Variants in COL5A3 observed in about 807,000 individuals in gnomAD.
The protein encoded by COL5A3 is collagen type V alpha 3 chain, also known as collagen alpha-3(V) chain.
COL5A3 carries 172 observed loss-of-function variants against 250.0 expected under a neutral mutation model. The observed-to-expected ratio is 0.69, with a 90% CI of 0.61 to 0.78. The LOEUF is 0.78. Among genes scored for constraint, COL5A3 ranks in the 30% least tolerant of loss-of-function variants. COL5A3 has a pLI of 0.00. For synonymous variants in COL5A3, 937 were observed against 900.4 expected (o/e 1.04, Z -0.73); for missense variants, 2,340 against 2,334.4 (o/e 1.00, Z -0.05).
At chr19:9,999,536 C>T (rs1271859772) in intron 8 of COL5A3, among the ~76,000 whole-genome samples, 2 of 144,168 alleles carry the variant, frequency 1.4e-5, no homozygotes, top group Non-Finnish European at 3.0e-5. Context: ...GGCGTGGTCT[C>T]GGCTTGCTGC....
chr19:9,971,093 G>A, intron 52 of COL5A3, 65 bp from the exon 53 acceptor site: 3 of 1,446,446 alleles, frequency 2.1e-6, no homozygotes, highest in South Asian at 1.4e-5. Context: ...GGATGGGGCT[G>A]GGAGGCAAAA....
chr19:9,979,117 T>C lies in COL5A3; in HGVS notation c.2874+15A>G, dbSNP rs1167310856. ...TTGGATGTTCAACCAAGATCTCCAG[T>C]GGACAGTGTCTCACCTTGGCCCCCT... On this transcript the variant is annotated intron_variant, in intron 39 of 66. Transcript: ENST00000264828. 6.5e-7 allele frequency: 1 copy of C among 1,546,950 alleles called. No homozygotes were observed. Among genetic ancestry groups the C allele is most frequent in the Non-Finnish European group, 8.7e-7 (1 of 1,147,064 alleles).
In COL5A3 at chr19:9,978,939, T is replaced by A. The variant is rs750449761; in HGVS notation, c.2916A>T (p.Pro972=). 5.2e-6 allele frequency: 8 copies of A among 1,530,934 alleles called. No homozygotes were observed. The South Asian group carries it at 1.0e-4, about 20-fold the overall frequency. The allele number at this position is 1,530,934 out of a possible 1,614,324, so 94.8% of individuals were successfully genotyped here. A position where few individuals can be genotyped will look rare whatever the true frequency, so the allele number is the denominator to read the frequency against. Residue 972 remains proline (P), a synonymous_variant, in exon 40 of 67, where the codon CCA becomes CCT. Transcript: ENST00000264828. The part of the protein sequence containing the change: ...GPPGPLGKEG[P]AGLRGFPGPK... ...GGCCGGGAAAGCCCCTGAGTCCAGC[T>A]GGCCCTTCTTTCCCAAGGGGTCCTG...
At chr19:10,001,948 TC>T in intron 6 of COL5A3, 67 bp from the exon 7 acceptor site, 1 of 1,114,898 alleles carries the variant, frequency 9.0e-7, no homozygotes, top group East Asian at 2.4e-5. Context: ...GGAGGCACCC[TC>T]CCACTGTCCC....
At chr19:10,003,798 A>G (rs903324998) in intron 5 of COL5A3, 84 bp from the exon 6 acceptor site, 1 of 1,561,528 alleles carries the variant, frequency 6.4e-7, no homozygotes, top group Non-Finnish European at 8.7e-7. Flanking sequence ...AGGCTGGCTC[A>G]TGGCCCGTGG....
Position 9,993,065 on chromosome 19 carries a change from T to G in COL5A3, c.1752A>C (p.Gly584=). ...PGPPGEDGER[G]AEGPPGPTGQ... ...CAGTGGGCCCTGGAGGTCCCTCTGC[T>G]CCCTGTGGAAAAGCGTCATTACTTG... Residue 584 remains glycine (G), a splice_region_variant and synonymous_variant, in exon 20 of 67, where the codon GGA becomes GGC. Transcript: ENST00000264828. The G allele has an allele frequency of 6.2e-7, 1 of 1,613,704 alleles. No homozygotes were observed.
intron 8 of COL5A3, among the ~76,000 whole-genome samples, chr19:9,999,589 C>G (rs112477870): frequency 0.019 from 2,895 of 151,204 alleles, 47 homozygotes; most frequent in Non-Finnish European, 0.029. Flanking sequence ...CTCAGCCTCC[C>G]GAGAAGCTGG....
intron 15 of COL5A3, 55 bp downstream of exon 15, chr19:9,996,011 G>A (rs1334584986): frequency 3.5e-6 from 5 of 1,442,352 alleles, no homozygotes; most frequent in Non-Finnish European, 4.7e-6. Context: ...TGTATCTTGT[G>A]GTCCTGGGGG....
At chr19:9,974,839 G>A (rs907024703) in intron 45 of COL5A3, among the ~76,000 whole-genome samples, 3 of 152,124 alleles carry the variant, frequency 2.0e-5, no homozygotes, top group East Asian at 3.8e-4. Flanking sequence ...GTCAGGGCTT[G>A]GTTAAGAGAT....
chr19:9,999,359 A>ATTTTT (rs1260247682), intron 8 of COL5A3, among the ~76,000 whole-genome samples: 2 of 141,308 alleles, frequency 1.4e-5, no homozygotes, highest in African/African-American at 5.4e-5. Context: ...ATGCCCAGCT[A>ATTTTT]TTTTTTATTT....
chr19:9,969,645 C>T lies in COL5A3; in HGVS notation c.4028G>A (p.Gly1343Asp), dbSNP rs757684206. The change falls in exon 56 of 67, where the codon GGT becomes GAT. Residue 1343 changes from glycine to aspartate, a missense_variant. This residue lies in a region of COL5A3 where 1,179 missense variants were observed against 1,162.6 expected (regional missense o/e 1.01). Transcript: ENST00000264828. ...AGGGGGCCCTCTAGCCCCCATTGGACCCGTCCTCCCTGGGGGCCCATCAGG... is the reference window on the plus strand; with the variant it reads ...AGGGGGCCCTCTAGCCCCCATTGGATCCGTCCTCCCTGGGGGCCCATCAGG... ...PGPDGPPGRT[G>D]PMGARGPPGR... The T allele has an allele frequency of 3.1e-6, 5 of 1,589,348 alleles. No homozygotes were observed. Among genetic ancestry groups the T allele is most frequent in the Non-Finnish European group, 4.3e-6 (5 of 1,173,996 alleles).
At position 9,962,865 on chromosome 19, in the gene COL5A3, T is replaced by C. The variant is rs1336287656; in HGVS notation, c.4805A>G (p.Lys1602Arg). The change falls in exon 65 of 67, where the codon AAG (lysine) becomes AGG (arginine). Residue 1602 changes from lysine to arginine, a missense_variant. Lys to Arg is a conservative substitution (Grantham distance 26). Around this residue, in one of 3 missense-constraint regions of COL5A3, gnomAD observed 1,179 missense variants for 1,162.6 expected, o/e 1.01. Transcript: ENST00000264828. ...GCTATACCAGCCTCCAGGCTTTTCC[T>C]TGGACCAGGAGGCCAATTTCACCTG... The part of the protein sequence containing the change: ...FEIVKLASWS[K>R]EKPGGWYSTF... The C allele has an allele frequency of 5.0e-6, 8 of 1,611,134 alleles. No homozygotes were observed. The highest frequency in any genetic ancestry group is 4.0e-5 in the African/African-American group (3 of 74,896).
At chr19:9,973,108 G>A (rs1040848350) in intron 50 of COL5A3, 82 bp from the exon 51 acceptor site, 27 of 1,306,038 alleles carry the variant, frequency 2.1e-5, no homozygotes, top group Non-Finnish European at 2.6e-5. Flanking sequence ...CAGGCATTGG[G>A]GTGGTCTGGG....
At chr19:9,977,111 C>T (rs1309506941) in intron 44 of COL5A3, 118 bp downstream of exon 44, 9 of 988,136 alleles carry the variant, frequency 9.1e-6, no homozygotes, top group Non-Finnish European at 1.1e-5. Context: ...AGATGGTACC[C>T]GAGAAGGCAG....
At chr19:10,008,685 G>A (rs116404175) in intron 1 of COL5A3, among the ~76,000 whole-genome samples, 371 of 152,280 alleles carry the variant, frequency 2.4e-3, no homozygotes, top group African/African-American at 8.4e-3. Flanking sequence ...GGCATATGTC[G>A]TTTCTCCAGG....
At chr19:9,986,790 T>G (rs2087107659) in intron 27 of COL5A3, 32 bp from the exon 28 acceptor site, 1 of 1,607,974 alleles carries the variant, frequency 6.2e-7, no homozygotes, top group Non-Finnish European at 8.5e-7. Context: ...CTCTCAAGCC[T>G]CTTCCCTGCT....
intron 16 of COL5A3, 62 bp from the exon 17 acceptor site, chr19:9,993,868 AGGAACCCAACT>A: frequency 6.9e-7 from 1 of 1,450,904 alleles, no homozygotes. Flanking sequence ...CCACCAAATT[AGGAACCCAACT>A]TCATCATCAA....
At chr19:9,981,680 AAC>A (rs1205885228) in intron 32 of COL5A3, among the ~76,000 whole-genome samples, 5 of 152,216 alleles carry the variant, frequency 3.3e-5, no homozygotes, top group African/African-American at 4.8e-5. Flanking sequence ...TGTGCACAGA[AAC>A]ACACACATGT....
At chr19:10,001,359 C>T (rs1488345436) in intron 8 of COL5A3, among the ~76,000 whole-genome samples, 165 bp downstream of exon 8, 1 of 152,080 alleles carries the variant, frequency 6.6e-6, no homozygotes, top group Non-Finnish European at 1.5e-5. Flanking sequence ...GTTGGTCAGG[C>T]TAGTCTCAAT....
Sources: gnomAD v4.1 joint callset for allele counts (sites outside exome capture counted in the v4.1 genomes callset) on GRCh38, gnomAD v4.1.1 for gene constraint, gnomAD v4.1.1 regional missense constraint, MANE v1.5 for transcripts, NCBI Gene and HGNC (gene_info 2026-07-23, HGNC 2026-07-21) for gene names.